Variants in PFKFB1 observed in about 807,000 individuals in gnomAD.
The protein encoded by PFKFB1 is 6-phosphofructo-2-kinase/fructose-2,6-bisphosphatase 1.
A neutral mutation model predicts 46.4 loss-of-function variants in PFKFB1; 34 were observed. The observed-to-expected ratio is 0.73, with a 90% CI of 0.56 to 0.98. The LOEUF (loss-of-function observed/expected upper bound fraction) is 0.98. Among genes scored for constraint, PFKFB1 ranks in the 50% least tolerant of loss-of-function variants. The pLI is 0.00. For missense variants in PFKFB1, 393 were observed against 376.3 expected, an observed-to-expected ratio of 1.04 and a Z score of -0.37; for synonymous variants, 119 against 133.8, an observed-to-expected ratio of 0.89 and a Z score of 0.76.
chrX:54,964,304 G>C (rs1339640868), intron 1 of PFKFB1, among the ~76,000 whole-genome samples: 2 of 110,584 alleles, frequency 1.8e-5, no homozygotes, highest in East Asian at 5.7e-4. Context: ...GAATGTCCCA[G>C]GTCCCCATTC....
At chrX:54,954,453 C>T (rs957049505) in intron 7 of PFKFB1, among the ~76,000 whole-genome samples, 6 of 112,211 alleles carry the variant, frequency 5.3e-5, no homozygotes, top group Non-Finnish European at 1.1e-4. Context: ...GCAGAGGTTG[C>T]AGTGAGCTGA....
Position 54,933,455 on chromosome X carries a change from T to C in PFKFB1, c.1364A>G (p.Asp455Gly), listed in dbSNP as rs774588232. The C allele has an allele frequency of 2.2e-5, 26 of 1,203,878 alleles. No individual in the cohort carries two copies. Among genetic ancestry groups the C allele is most frequent in the Non-Finnish European group, 2.6e-5 (23 of 889,862 alleles). ...NTHREKPENV[D>G]ITREPEEALD... ...GGCTTCCTCAGGTTCCCGGGTGATG[T>C]CCACATTCTGAGGAGAGAGCGCAGG... The change falls in exon 14 of 14, where the codon GAC becomes GGC. Residue 455 changes from aspartate (D) to glycine (G), a missense_variant. By Grantham distance (94) the Asp-to-Gly change is moderately conservative. Coordinates refer to ENST00000375006, the MANE Select transcript of PFKFB1 (RefSeq NM_002625.4).
At chrX:54,998,422 T>C, upstream of PFKFB1, 1 of 1,152,827 alleles carries the variant, frequency 8.7e-7, no homozygotes, top group Non-Finnish European at 1.1e-6. Flanking sequence ...TTCTAGAGGT[T>C]TTTTCTTCCA....
In PFKFB1 at chrX:54,960,877, G is replaced by A; in HGVS notation, c.264C>T (p.Tyr88=). ...CTGGAAGAAAGAATTCATAGTTCTTGTAGCTCACTGCCTCTCGTCGATACT... is the reference window on the plus strand; with the variant it reads ...CTGGAAGAAAGAATTCATAGTTCTTATAGCTCACTGCCTCTCGTCGATACT... ...LGQYRREAVS[Y]KNYEFFLPDN... The change falls in exon 3 of 14, where the codon TAC becomes TAT. Residue 88 remains tyrosine (Y), a synonymous_variant. Coordinates refer to ENST00000375006, the MANE Select transcript of PFKFB1 (RefSeq NM_002625.4). The A allele has an allele frequency of 1.7e-6, 2 of 1,193,431 alleles. No individual in the cohort carries two copies. Among genetic ancestry groups the A allele is most frequent in the Non-Finnish European group, 1.1e-6 (1 of 881,544 alleles).
At chrX:54,953,494 CCT>C (rs1426149386) in intron 7 of PFKFB1, among the ~76,000 whole-genome samples, 1 of 111,596 alleles carries the variant, frequency 9.0e-6, no homozygotes, top group African/African-American at 3.3e-5. Context: ...GAGATTATCA[CCT>C]CTGTTTCAAA....
intron 4 of PFKFB1, 148 bp downstream of exon 4, chrX:54,959,679 T>G: frequency 2.2e-6 from 1 of 451,497 alleles, no homozygotes; most frequent in Middle Eastern, 5.0e-4. Flanking sequence ...TAACAACACC[T>G]ATCTCAAGGG....
intron 1 of PFKFB1, among the ~76,000 whole-genome samples, chrX:54,980,585 A>G (rs1434370902): frequency 9.1e-6 from 1 of 110,430 alleles, no homozygotes; most frequent in East Asian, 2.9e-4. Context: ...AGACTGTCTC[A>G]ACCTTGGCTC....
At chrX:54,953,958 C>T (rs936191546) in intron 7 of PFKFB1, among the ~76,000 whole-genome samples, 6 of 111,959 alleles carry the variant, frequency 5.4e-5, no homozygotes, top group East Asian at 2.8e-4. Flanking sequence ...CCTCAAGAGC[C>T]GGCATATTCA....
rs1468387179 is a variant in PFKFB1, at chrX:54,959,889, A to G, written c.322T>C (p.Cys108Arg). ...NMEALQIRKQ[C>R]ALAALKDVHN... is the part of the protein sequence containing the mutation. ...ACATCCTTCAGGGCTGCCAGGGCGC[A>G]CTGCCTGAAATAGACCAGGAAAGAA... Residue 108 changes from cysteine to arginine, a missense_variant, in exon 4 of 14, where the codon TGC becomes CGC. Transcript: ENST00000375006. The G allele has an allele frequency of 8.4e-7, 1 of 1,195,612 alleles. No homozygotes were observed. Among genetic ancestry groups the G allele is most frequent in the Admixed American group, 2.2e-5 (1 of 45,798 alleles).
chrX:54,963,151 A>G lies in PFKFB1; in HGVS notation c.223+106T>C. ...CAGTAGTCCTAATGCTGGTAATAAT[A>G]ATGATGGGGCATTTCTGGTATTGAG... is the stretch of plus-strand genomic sequence containing the variant. On this transcript the variant is annotated intron_variant, in intron 2 of 13. Transcript: ENST00000375006. The G allele has an allele frequency of 4.2e-6, 3 of 709,931 alleles. No homozygotes were observed. In the South Asian group the frequency reaches 7.6e-5, roughly 18 times the overall value. The allele number at this position is 709,931 out of a possible 1,213,427, so 58.5% of individuals were successfully genotyped here. A position where few individuals can be genotyped will look rare whatever the true frequency, so the allele number is the denominator to read the frequency against.
intron 1 of PFKFB1, among the ~76,000 whole-genome samples, chrX:54,989,764 T>G (rs1363880373): frequency 8.9e-6 from 1 of 111,988 alleles, no homozygotes; most frequent in Non-Finnish European, 1.9e-5. Flanking sequence ...ACAAGAGCAC[T>G]GATCTATCAA....
chrX:54,949,473 G>A (rs62626562), intron 8 of PFKFB1, among the ~76,000 whole-genome samples: 1,413 of 109,188 alleles, frequency 0.013, 11 homozygotes, highest in Non-Finnish European at 0.022. Context: ...TTTGACGATT[G>A]CTCACCGAAG....
In PFKFB1 at chrX:54,945,468, T is replaced by C. The variant is rs775158265; in HGVS notation, c.1069A>G (p.Lys357Glu). The change falls in exon 10 of 14, where the codon AAA (lysine) becomes GAA (glutamate). Residue 357 changes from lysine (K) to glutamate (E), a missense_variant. By Grantham distance (56) the Lys-to-Glu change is moderately conservative (BLOSUM62 1). Coordinates refer to ENST00000375006, the MANE Select transcript of PFKFB1 (RefSeq NM_002625.4). ...CCCTTGGGATAGCGGTAGCGATATT[T>C]ATCTTGGTCTCGCAGTGCAAATTCT... ...PEEFALRDQD[K>E]YRYRYPKGES... The C allele has an allele frequency of 8.3e-7, 1 of 1,201,803 alleles. No homozygotes were observed. The highest frequency in any genetic ancestry group is 3.0e-5 in the East Asian group (1 of 33,764).
chrX:54,994,269 A>G, upstream of PFKFB1: 3 of 753,632 alleles, frequency 4.0e-6, no homozygotes, highest in South Asian at 2.0e-4. Context: ...AGGTCAGGAG[A>G]GGCCTCTGAA....
chrX:54,993,979 TGGGTGA>T lies in PFKFB1; in HGVS notation c.23_28del (p.Leu8_Thr9del). On this transcript the variant is annotated inframe_deletion, in exon 1 of 14. Coordinates refer to ENST00000375006, the MANE Select transcript of PFKFB1 (RefSeq NM_002625.4). Reference sequence around the variant, plus strand: ...AATCCAGATCTTCTGCAACCTGGTTTGGGTGAGCTCTCCCATCTCTGGAGACATCTT... The same window carrying T: ...AATCCAGATCTTCTGCAACCTGGTTTGCTCTCCCATCTCTGGAGACATCTT... 5.8e-6 allele frequency: 7 copies of T among 1,206,786 alleles called. No homozygotes were observed. Among genetic ancestry groups the T allele is most frequent in the Non-Finnish European group, 7.8e-6 (7 of 893,102 alleles).
intron 2 of PFKFB1, among the ~76,000 whole-genome samples, chrX:54,962,800 T>C (rs910089110): frequency 1.1e-4 from 12 of 112,133 alleles, no homozygotes; most frequent in Admixed American, 3.8e-4. Context: ...TAGAATCAAA[T>C]AGACCTGGGT....
chrX:54,943,402 C>T (rs975751847), intron 10 of PFKFB1, among the ~76,000 whole-genome samples: 5 of 111,613 alleles, frequency 4.5e-5, no homozygotes, highest in African/African-American at 6.5e-5. Flanking sequence ...CCCCCTCCTA[C>T]CAAGACATTT....
upstream of PFKFB1, among the ~76,000 whole-genome samples, chrX:54,995,128 C>T (rs746247473): frequency 1.8e-5 from 2 of 111,719 alleles, no homozygotes; most frequent in East Asian, 2.8e-4. Context: ...TGCCCTCTCC[C>T]GCTCCCCTGA....
intron 11 of PFKFB1, among the ~76,000 whole-genome samples, chrX:54,936,102 G>A (rs1933379577): frequency 9.0e-6 from 1 of 111,060 alleles, no homozygotes; most frequent in South Asian, 3.9e-4. Context: ...CTAGATTGAG[G>A]TACTACTGTA....
Sources: allele counts gnomAD v4.1 joint callset (sites outside exome capture counted in the v4.1 genomes callset), GRCh38; gene constraint gnomAD v4.1.1; transcripts MANE v1.5; gene names NCBI Gene and HGNC (gene_info 2026-07-23, HGNC 2026-07-21).